Variants in OR2Z1 observed in about 807,000 individuals in gnomAD.
The protein encoded by OR2Z1 is olfactory receptor 2Z1.
For missense variants in OR2Z1, 449 were observed against 401.8 expected (o/e 1.12, Z -1.00); for synonymous variants, 188 against 160.6 (o/e 1.17, Z -1.29).
At chr19:8,727,923 G>T (rs2043334439) in intron 2 of OR2Z1, among the ~76,000 whole-genome samples, 1 of 152,166 alleles carries the variant, frequency 6.6e-6, no homozygotes, top group Admixed American at 6.5e-5. Flanking sequence ...GTTGAGCAGG[G>T]ATGAGGATGC....
At position 8,731,848 on chromosome 19, in the gene OR2Z1, G is replaced by T. The variant is rs782157519; in HGVS notation, c.820G>T (p.Val274Phe). 2 of 1,614,162 alleles carry T rather than the reference G, an allele frequency of 1.2e-6. No individual in the cohort carries two copies. Among genetic ancestry groups the T allele is most frequent in the Admixed American group, 1.7e-5 (1 of 60,012 alleles). Residue 274 changes from valine (V) to phenylalanine (F), a missense_variant, in exon 3 of 3, where the codon GTT becomes TTT. Transcript: ENST00000641125. ...CCACAGTCCACAGCAGGATAACGTG[G>T]TTTCCCTCTTCTATAGCCTTGTCAC... ...AYHSPQQDNV[V>F]SLFYSLVTPT...
chr19:8,728,154 C>T (rs575012860), intron 2 of OR2Z1, among the ~76,000 whole-genome samples: 2 of 152,368 alleles, frequency 1.3e-5, no homozygotes, highest in East Asian at 3.9e-4. Flanking sequence ...TGGGAAAGAA[C>T]ATTCACCAGG....
chr19:8,723,613 C>CGT (rs147343112), intron 2 of OR2Z1, among the ~76,000 whole-genome samples: 50,249 of 150,452 alleles, frequency 0.33, 9,251 homozygotes, highest in South Asian at 0.56. Flanking sequence ...ACATACAGTG[C>CGT]GTGTGTGTGT....
chr19:8,723,839 G>T (rs1555755875), intron 2 of OR2Z1, among the ~76,000 whole-genome samples: 1 of 152,144 alleles, frequency 6.6e-6, no homozygotes, highest in Non-Finnish European at 1.5e-5. Flanking sequence ...GGAAATGCCA[G>T]TCCTAGAACA....
In OR2Z1 at chr19:8,725,034, T is replaced by C. The variant is rs529522244; in HGVS notation, c.-170+1884T>C. ...CCTGACCTTCAAAACTCAGCTCCAA[T>C]GCCTCCTTCTCTGTGAAGGCTTCCC... On this transcript the variant is annotated intron_variant, in intron 2 of 2. Transcript: ENST00000641125. Among the ~76,000 whole-genome samples, 9 of 152,304 alleles carry C rather than the reference T, an allele frequency of 5.9e-5. No homozygotes were observed. In the South Asian group the frequency reaches 1.9e-3, roughly 32 times the overall value.
intron 2 of OR2Z1, among the ~76,000 whole-genome samples, chr19:8,724,306 G>T (rs1373222345): frequency 6.6e-6 from 1 of 151,970 alleles, no homozygotes; most frequent in African/African-American, 2.4e-5. Context: ...TGTGATCACA[G>T]CTCACTGCAG....
In OR2Z1 at chr19:8,731,827, A is replaced by T. The variant is rs200798623; in HGVS notation, c.799A>T (p.Ser267Cys). Residue 267 changes from serine to cysteine, a missense_variant, in exon 3 of 3, where the codon AGT (serine) becomes TGT (cysteine). By Grantham distance (112) the Ser-to-Cys change is moderately radical. Transcript: ENST00000641125. ...GTACATGGTGCCTTGCGCCTACCAC[A>T]GTCCACAGCAGGATAACGTGGTTTC... ...FMYMVPCAYH[S>C]PQQDNVVSLF... 6.2e-7 allele frequency: 1 copy of T among 1,614,172 alleles called. No individual in the cohort carries two copies. The highest frequency in any genetic ancestry group is 1.7e-5 in the Admixed American group (1 of 60,016).
At position 8,731,906 on chromosome 19, in the gene OR2Z1, G is replaced by A; in HGVS notation, c.878G>A (p.Arg293Lys). 3 of 1,614,218 alleles carry A rather than the reference G, an allele frequency of 1.9e-6. No homozygotes were observed. Among genetic ancestry groups the A allele is most frequent in the Non-Finnish European group, 2.5e-6 (3 of 1,180,040 alleles). Reference protein sequence around the residue: ...PTLNPLIYSLRNPEVWMALVK... With the variant: ...PTLNPLIYSLKNPEVWMALVK... ...CTCAACCCCCTTATCTACAGTCTGA[G>A]GAATCCGGAGGTGTGGATGGCTTTG... is the stretch of plus-strand genomic sequence containing the variant. The change falls in exon 3 of 3, where the codon AGG becomes AAG. Residue 293 changes from arginine (R) to lysine (K), a missense_variant. Coordinates refer to ENST00000641125, the MANE Select transcript of OR2Z1 (RefSeq NM_001004699.3).
chr19:8,725,721 A>G (rs1235869296), intron 2 of OR2Z1, among the ~76,000 whole-genome samples: 1 of 152,214 alleles, frequency 6.6e-6, no homozygotes, highest in Non-Finnish European at 1.5e-5. Flanking sequence ...CCCCTCATGA[A>G]GGTCATCAGA....
intron 2 of OR2Z1, among the ~76,000 whole-genome samples, chr19:8,726,262 G>A (rs2145077251): frequency 6.6e-6 from 1 of 152,250 alleles, no homozygotes; most frequent in East Asian, 1.9e-4. Context: ...ATCATGCCTG[G>A]CTGGTGCTAC....
In OR2Z1 at chr19:8,731,714, G is replaced by C; in HGVS notation, c.686G>C (p.Arg229Pro). Residue 229 changes from arginine (R) to proline (P), a missense_variant, in exon 3 of 3, where the codon CGC (arginine) becomes CCC (proline). By Grantham distance (103) the Arg-to-Pro change is moderately radical. Coordinates refer to ENST00000641125, the MANE Select transcript of OR2Z1 (RefSeq NM_001004699.3). ...GTGTTGCAGGCTGTTCTAAGCATGC[G>C]CTCAGAGGAGGCCAGACACAAGGCT... ...GHVLQAVLSM[R>P]SEEARHKAVT... 6.2e-7 allele frequency: 1 copy of C among 1,613,996 alleles called. No homozygotes were observed. Among genetic ancestry groups the C allele is most frequent in the Non-Finnish European group, 8.5e-7 (1 of 1,179,914 alleles).
chr19:8,724,004 G>GTGTGTGTGTGTGTGTGTGTT (rs2043317446), intron 2 of OR2Z1, among the ~76,000 whole-genome samples: 1 of 128,392 alleles, frequency 7.8e-6, no homozygotes, highest in Non-Finnish European at 1.5e-5. Context: ...GTGTGTGTGT[G>GTGTGTGTGTGTGTGTGTGTT]TGTGTGTATG....
intron 2 of OR2Z1, chr19:8,728,677 T>G (rs1418345036): frequency 2.3e-6 from 1 of 443,374 alleles, no homozygotes; most frequent in South Asian, 1.8e-5. Flanking sequence ...CAATAGGTAG[T>G]TTTTTTTTTA....
In OR2Z1 at chr19:8,731,898, C is replaced by T. The variant is rs782315211; in HGVS notation, c.870C>T (p.Tyr290=). The T allele has an allele frequency of 6.2e-7, 1 of 1,614,240 alleles. No homozygotes were observed. ...CCCCTACACTCAACCCCCTTATCTACAGTCTGAGGAATCCGGAGGTGTGGA... is the reference window on the plus strand; with the variant it reads ...CCCCTACACTCAACCCCCTTATCTATAGTCTGAGGAATCCGGAGGTGTGGA... ...LVTPTLNPLI[Y]SLRNPEVWMA... Residue 290 remains tyrosine (Y), a synonymous_variant, in exon 3 of 3, where the codon TAC becomes TAT. Transcript: ENST00000641125.
intron 2 of OR2Z1, among the ~76,000 whole-genome samples, chr19:8,727,324 C>T (rs1300697284): frequency 1.3e-5 from 2 of 152,148 alleles, no homozygotes; most frequent in Non-Finnish European, 2.9e-5. Flanking sequence ...CTTCCTCAGC[C>T]CCTGGTCACC....
chr19:8,727,477 C>G (rs2043332055), intron 2 of OR2Z1, among the ~76,000 whole-genome samples: 1 of 152,126 alleles, frequency 6.6e-6, no homozygotes, highest in Admixed American at 6.6e-5. Flanking sequence ...ATGGGTGCAG[C>G]ACACCAACAT....
At chr19:8,724,975 AC>A (rs2043321877) in intron 2 of OR2Z1, among the ~76,000 whole-genome samples, 1 of 152,080 alleles carries the variant, frequency 6.6e-6, no homozygotes, top group Non-Finnish European at 1.5e-5. Context: ...GTCTGGAACA[AC>A]CTTCCCTCTT....
intron 2 of OR2Z1, among the ~76,000 whole-genome samples, chr19:8,723,444 T>C (rs782262026): frequency 1.1e-4 from 17 of 152,176 alleles, no homozygotes; most frequent in East Asian, 1.9e-4. Flanking sequence ...ACATTGCTCA[T>C]CAGACTATGC....
In OR2Z1 at chr19:8,728,973, G is replaced by A. The variant is rs146153524; in HGVS notation, c.-169-1887G>A. 8.7e-5 allele frequency: 60 copies of A among 692,582 alleles called. No individual in the cohort carries two copies. The East Asian group carries it at 1.1e-3, about 13-fold the overall frequency. 42.9% of individuals were successfully genotyped at this position (692,582 alleles called of 1,614,324 possible). Reference sequence around the variant, plus strand: ...GGTGGACTCAGTGGTCAGCGGCAACGTGATGATTGCAGAGTGGCCAAGCTT... The same window carrying A: ...GGTGGACTCAGTGGTCAGCGGCAACATGATGATTGCAGAGTGGCCAAGCTT... On this transcript the variant is annotated intron_variant, in intron 2 of 2. Transcript: ENST00000641125.
Sources: allele counts gnomAD v4.1 joint callset (sites outside exome capture counted in the v4.1 genomes callset), GRCh38; gene constraint gnomAD v4.1.1; transcripts MANE v1.5; gene names NCBI Gene and HGNC (gene_info 2026-07-23, HGNC 2026-07-21).